Variants in CLYBL observed in about 807,000 individuals in gnomAD.
CLYBL encodes the protein citramalyl-CoA lyase, mitochondrial.
Under a neutral mutation model 38.9 loss-of-function variants are expected in CLYBL, and 31 were observed. The observed-to-expected ratio is 0.80, with a 90% CI of 0.60 to 1.08. The LOEUF is 1.08. Among genes scored for constraint, CLYBL ranks in the 50% least tolerant of loss-of-function variants. The pLI is 0.00. For missense variants in CLYBL, 434 were observed against 411.6 expected, an observed-to-expected ratio of 1.05 and a Z score of -0.47; for synonymous variants, 171 against 158.6, an observed-to-expected ratio of 1.08 and a Z score of -0.59.
intron 1 of CLYBL, among the ~76,000 whole-genome samples, chr13:99,627,702 C>G (rs1441925879): frequency 6.6e-6 from 1 of 152,140 alleles, no homozygotes; most frequent in Non-Finnish European, 1.5e-5. Flanking sequence ...GACTAAAAAA[C>G]TAAGGTTTCC....
downstream of CLYBL, chr13:99,897,204 C>T (rs1247689679): frequency 6.6e-6 from 1 of 152,294 alleles, no homozygotes; most frequent in African/African-American, 2.4e-5. Flanking sequence ...TGGGCAGGAG[C>T]TATGCCAGGC....
At chr13:99,640,306 CTA>C (rs36015417) in intron 1 of CLYBL, among the ~76,000 whole-genome samples, 1,809 of 152,256 alleles carry the variant, frequency 0.012, 41 homozygotes, top group African/African-American at 0.041. Flanking sequence ...GTACATTTCA[CTA>C]TGGTTTTTTA....
intron 1 of CLYBL, among the ~76,000 whole-genome samples, chr13:99,635,110 C>A (rs2047000128): frequency 6.6e-6 from 1 of 152,096 alleles, no homozygotes; most frequent in African/African-American, 2.4e-5. Flanking sequence ...GTGATCAGGA[C>A]ACCATCGTGT....
intron 1 of CLYBL, among the ~76,000 whole-genome samples, chr13:99,641,648 C>CAA (rs35893746): frequency 0.27 from 39,200 of 143,550 alleles, 5,858 homozygotes; most frequent in East Asian, 0.55. Context: ...ACTAAAAATA[C>CAA]AAAAAAAAAA....
At chr13:99,650,494 C>T (rs553833758) in intron 1 of CLYBL, among the ~76,000 whole-genome samples, 1 of 152,206 alleles carries the variant, frequency 6.6e-6, no homozygotes, top group African/African-American at 2.4e-5. Context: ...CTACTTTCCT[C>T]TCCTTGCCCA....
chr13:99,667,011 A>AGG, intron 1 of CLYBL, among the ~76,000 whole-genome samples: 1 of 152,292 alleles, frequency 6.6e-6, no homozygotes, highest in Non-Finnish European at 1.5e-5. Context: ...CTGAGTGTCT[A>AGG]CACACTGAAG....
intron 1 of CLYBL, among the ~76,000 whole-genome samples, chr13:99,687,823 C>T (rs1252264714): frequency 6.6e-6 from 1 of 152,152 alleles, no homozygotes; most frequent in Non-Finnish European, 1.5e-5. Flanking sequence ...ATCATCTCTC[C>T]TGCGGGTGCC....
At chr13:99,659,528 AC>A (rs1295650821) in intron 1 of CLYBL, among the ~76,000 whole-genome samples, 1 of 151,556 alleles carries the variant, frequency 6.6e-6, no homozygotes, top group Admixed American at 6.6e-5. Context: ...ATTTTTTGAC[AC>A]CCCCTTTTCA....
intron 1 of CLYBL, among the ~76,000 whole-genome samples, chr13:99,759,120 G>T (rs189765597): frequency 6.6e-6 from 1 of 152,344 alleles, no homozygotes; most frequent in East Asian, 1.9e-4. Context: ...TGTAAGTGCT[G>T]CCTTGTGTGC....
chr13:99,771,734 T>C (rs1206757913), intron 1 of CLYBL, among the ~76,000 whole-genome samples: 1 of 152,140 alleles, frequency 6.6e-6, no homozygotes, highest in Non-Finnish European at 1.5e-5. Context: ...AGAGCATAGT[T>C]TAGAAGCAGG....
intron 1 of CLYBL, among the ~76,000 whole-genome samples, chr13:99,760,672 T>G (rs1351683880): frequency 6.6e-6 from 1 of 152,268 alleles, no homozygotes; most frequent in Non-Finnish European, 1.5e-5. Context: ...GCTGATCATC[T>G]TACTGAAGAT....
chr13:99,842,952 C>T (rs1466406942), intron 2 of CLYBL, among the ~76,000 whole-genome samples: 1 of 151,986 alleles, frequency 6.6e-6, no homozygotes, highest in African/African-American at 2.4e-5. Flanking sequence ...TTTTTTTAAC[C>T]TAACATTTAT....
intron 2 of CLYBL, among the ~76,000 whole-genome samples, chr13:99,801,964 C>T (rs1168781299): frequency 6.6e-6 from 1 of 152,074 alleles, no homozygotes; most frequent in Non-Finnish European, 1.5e-5. Context: ...TGCAGTGAGC[C>T]AAGATAGCAC....
intron 7 of CLYBL, among the ~76,000 whole-genome samples, chr13:99,876,833 G>A (rs1194857217): frequency 6.6e-6 from 1 of 152,162 alleles, no homozygotes; most frequent in African/African-American, 2.4e-5. Flanking sequence ...TGACCAAAAC[G>A]AGATAGAGCC....
intron 1 of CLYBL, among the ~76,000 whole-genome samples, chr13:99,740,647 A>G (rs1402051818): frequency 1.3e-5 from 2 of 152,246 alleles, no homozygotes; most frequent in African/African-American, 2.4e-5. Flanking sequence ...GTCCACACGT[A>G]TAGATTCTGC....
intron 1 of CLYBL, among the ~76,000 whole-genome samples, chr13:99,695,666 C>T (rs9585194): frequency 0.017 from 2,652 of 152,126 alleles, 66 homozygotes; most frequent in African/African-American, 0.059. Flanking sequence ...ATTGCAGGTA[C>T]GCACCACCAC....
At chr13:99,900,451 T>C (rs977803115), downstream of CLYBL, among the ~76,000 whole-genome samples, 3 of 152,230 alleles carry the variant, frequency 2.0e-5, no homozygotes, top group South Asian at 2.1e-4. Context: ...TAAACTCTTA[T>C]CTGATCATTT....
intron 1 of CLYBL, among the ~76,000 whole-genome samples, chr13:99,634,647 T>C (rs1490202545): frequency 4.7e-5 from 7 of 149,478 alleles, no homozygotes; most frequent in Admixed American, 3.4e-4. Flanking sequence ...TATTTTTTAA[T>C]GTGGATGTAT....
At chr13:99,641,044 A>G (rs1456293382) in intron 1 of CLYBL, among the ~76,000 whole-genome samples, 1 of 150,800 alleles carries the variant, frequency 6.6e-6, no homozygotes, top group Non-Finnish European at 1.5e-5. Context: ...TATGAATCAT[A>G]TCACCAAATG....
Sources: allele counts gnomAD v4.1 joint callset (sites outside exome capture counted in the v4.1 genomes callset), GRCh38; gene constraint gnomAD v4.1.1; transcripts MANE v1.5; gene names NCBI Gene and HGNC (gene_info 2026-07-23, HGNC 2026-07-21).